CPQ: variants seen among roughly 807,000 people sequenced by gnomAD.
CPQ encodes carboxypeptidase Q, also known as Ser-Met dipeptidase.
A neutral mutation model predicts 45.7 loss-of-function variants in CPQ; 37 were observed. The observed-to-expected ratio is 0.81, with a 90% confidence interval of 0.62 to 1.07. The LOEUF (loss-of-function observed/expected upper bound fraction) is 1.07. CPQ is among the 50% of genes least tolerant of loss of function. The pLI is 0.00. For synonymous variants in CPQ, 186 were observed against 205.8 expected (o/e 0.90, Z 0.82); for missense variants, 537 against 572.9 (o/e 0.94, Z 0.64).
intron 1 of CPQ, among the ~76,000 whole-genome samples, chr8:96,666,647 C>T (rs754788444): frequency 1.3e-5 from 2 of 152,182 alleles, no homozygotes. Context: ...TGGCTAGAGC[C>T]GTCTTGGTTG....
At position 97,050,982 on chromosome 8, in the gene CPQ, T is replaced by A. The variant is rs567495829; in HGVS notation, c.1054-15027T>A. Among the ~76,000 whole-genome samples the A allele has an allele frequency of 1.1e-4, 17 of 152,296 alleles. No individual in the cohort carries two copies. The East Asian group carries it at 2.9e-3, about 26-fold the overall frequency. On this transcript the variant is annotated intron_variant, in intron 6 of 7. Transcript: ENST00000220763. ...AGAACAACCCTATTAAATAGCCCTT[T>A]CTTTTTGATGAGGATATGAAGCTCA...
chr8:96,966,371 C>T (rs953817741), intron 5 of CPQ, among the ~76,000 whole-genome samples: 5 of 152,348 alleles, frequency 3.3e-5, no homozygotes, highest in African/African-American at 9.6e-5. Flanking sequence ...GCACCTCCTA[C>T]TTCCTTTCCC....
chr8:97,010,306 A>G (rs1809466512), intron 5 of CPQ, among the ~76,000 whole-genome samples: 1 of 152,158 alleles, frequency 6.6e-6, no homozygotes, highest in Admixed American at 6.5e-5. Context: ...TTGAAAAGGT[A>G]TGGGCATTGG....
At chr8:97,116,673 C>G (rs993093903) in intron 7 of CPQ, among the ~76,000 whole-genome samples, 1 of 152,180 alleles carries the variant, frequency 6.6e-6, no homozygotes, top group Non-Finnish European at 1.5e-5. Flanking sequence ...AATGAAACCC[C>G]GTGGCAGGAA....
intron 5 of CPQ, among the ~76,000 whole-genome samples, chr8:97,023,042 G>GTATATATATAC (rs1265189181): frequency 2.4e-5 from 1 of 41,526 alleles, no homozygotes. Flanking sequence ...TATATATACA[G>GTATATATATAC]TATATATACT....
chr8:97,041,609 T>C (rs1442121900), intron 6 of CPQ, among the ~76,000 whole-genome samples: 1 of 152,190 alleles, frequency 6.6e-6, no homozygotes, highest in Non-Finnish European at 1.5e-5. Context: ...CAGTATGATA[T>C]TGGCTGTGGG....
intron 3 of CPQ, among the ~76,000 whole-genome samples, chr8:96,878,220 C>A (rs1273589869): frequency 6.6e-6 from 1 of 152,146 alleles, no homozygotes; most frequent in African/African-American, 2.4e-5. Flanking sequence ...CCTGCCTCAG[C>A]CTCCCAATGT....
At chr8:97,017,109 G>A (rs1426152622) in intron 5 of CPQ, among the ~76,000 whole-genome samples, 1 of 152,192 alleles carries the variant, frequency 6.6e-6, no homozygotes, top group Non-Finnish European at 1.5e-5. Context: ...GGGAAAAGGA[G>A]ATCATCTGCC....
rs16895222 is a variant in CPQ at position 97,100,805 on chromosome 8, C to T, written c.1255+34595C>T. The stretch of plus-strand genomic sequence containing the variant: ...GGAAAATAGCTCATATAATGGCCCC[C>T]GAATGTATGCCTGGGAAGAAATATG... On this transcript the variant is annotated intron_variant, in intron 7 of 7. Transcript: ENST00000220763. 5.6e-3 allele frequency among the ~76,000 whole-genome samples: 853 copies of T among 151,888 alleles called. 14 individuals are homozygous for T. The highest frequency in any genetic ancestry group is 0.018 in the African/African-American group (750 of 41,416).
At chr8:97,120,704 A>T (rs546762970) in intron 7 of CPQ, among the ~76,000 whole-genome samples, 2 of 152,340 alleles carry the variant, frequency 1.3e-5, no homozygotes, top group East Asian at 3.9e-4. Context: ...TAGGAGCTTA[A>T]TGTTCCTTGG....
chr8:97,046,805 AT>A (rs1462600476), intron 6 of CPQ, among the ~76,000 whole-genome samples: 1 of 152,200 alleles, frequency 6.6e-6, no homozygotes, highest in Non-Finnish European at 1.5e-5. Context: ...GCTCTGGAAA[AT>A]ACTTTATTAT....
intron 7 of CPQ, among the ~76,000 whole-genome samples, chr8:97,111,734 A>C: frequency 6.6e-6 from 1 of 152,212 alleles, no homozygotes; most frequent in Admixed American, 6.5e-5. Context: ...TCATGTCGTC[A>C]GTGCAGGATG....
At chr8:96,814,466 C>T (rs992071004) in intron 2 of CPQ, among the ~76,000 whole-genome samples, 1 of 152,164 alleles carries the variant, frequency 6.6e-6, no homozygotes, top group Non-Finnish European at 1.5e-5. Context: ...TTAAGATGTT[C>T]AGGCTACATT....
At chr8:96,702,275 A>G (rs1809472255) in intron 1 of CPQ, among the ~76,000 whole-genome samples, 1 of 152,190 alleles carries the variant, frequency 6.6e-6, no homozygotes, top group Non-Finnish European at 1.5e-5. Context: ...AGCAACTTAC[A>G]TCTAGAGCAA....
chr8:96,910,796 G>A (rs1812649771), intron 4 of CPQ, among the ~76,000 whole-genome samples: 2 of 152,126 alleles, frequency 1.3e-5, no homozygotes, highest in African/African-American at 2.4e-5. Flanking sequence ...GAGCCACCGC[G>A]CCCGGCTGAA....
intron 5 of CPQ, among the ~76,000 whole-genome samples, chr8:97,006,927 A>G (rs1179753485): frequency 1.3e-5 from 2 of 152,196 alleles, no homozygotes; most frequent in Non-Finnish European, 2.9e-5. Flanking sequence ...GAGGGCAGAG[A>G]TTCTTTTTTG....
At chr8:96,748,571 A>G (rs1228678457) in intron 1 of CPQ, among the ~76,000 whole-genome samples, 7 of 152,128 alleles carry the variant, frequency 4.6e-5, no homozygotes, top group Non-Finnish European at 1.0e-4. Context: ...ATAAAAAAAA[A>G]CCAAGCACTG....
chr8:96,662,096 G>A (rs1270381232), intron 1 of CPQ, among the ~76,000 whole-genome samples: 1 of 152,156 alleles, frequency 6.6e-6, no homozygotes, highest in African/African-American at 2.4e-5. Flanking sequence ...TAAGGTGTCT[G>A]TTAAGGTCTT....
At chr8:96,728,836 T>C (rs1363675878) in intron 1 of CPQ, among the ~76,000 whole-genome samples, 1 of 152,076 alleles carries the variant, frequency 6.6e-6, no homozygotes, top group Non-Finnish European at 1.5e-5. Context: ...CCCATACAAG[T>C]CGATTAGCTT....
Sources: gnomAD v4.1 joint callset for allele counts (sites outside exome capture counted in the v4.1 genomes callset) on GRCh38, gnomAD v4.1.1 for gene constraint, MANE v1.5 for transcripts, NCBI Gene and HGNC (gene_info 2026-07-23, HGNC 2026-07-21) for gene names.